Variants in LANCL1 observed in about 807,000 individuals in gnomAD.
The protein encoded by LANCL1 is glutathione S-transferase LANCL1.
LANCL1 carries 50 observed loss-of-function variants against 50.6 expected under a neutral mutation model. The observed-to-expected ratio is 0.99, with a 90% confidence interval of 0.79 to 1.25. LANCL1 has a LOEUF of 1.25. Among genes scored for constraint, LANCL1 ranks in the 50% most tolerant of loss-of-function variants. The probability of loss-of-function intolerance (pLI) is 0.00; values close to 1 mark genes in which losing one functional copy is unlikely to be tolerated. For synonymous variants in LANCL1, 188 were observed against 178.6 expected (o/e 1.05, Z -0.42); for missense variants, 532 against 480.7 (o/e 1.11, Z -1.00).
At position 210,432,551 on chromosome 2, in the gene LANCL1, T is replaced by C. The variant is rs1026802556; in HGVS notation, c.*1936A>G. The C allele has an allele frequency of 1.3e-5, 2 of 152,192 alleles. No homozygotes were observed. The highest frequency in any genetic ancestry group is 1.9e-4 in the East Asian group (1 of 5,196). The allele number at this position is 152,192 out of a possible 1,614,324, so 9.4% of individuals were successfully genotyped here. A position where few individuals can be genotyped will look rare whatever the true frequency, so the allele number is the denominator to read the frequency against. On this transcript the variant is annotated 3_prime_UTR_variant, in exon 10 of 10. Coordinates refer to ENST00000450366, the MANE Select transcript of LANCL1 (RefSeq NM_006055.3). ...CTTGAAATCTTCCTGGGGTTAAGCA[T>C]TGCTATCACGATGCTTGGAGAACTG...
Position 210,455,186 on chromosome 2 carries a change from C to T in LANCL1, c.328G>A (p.Asp110Asn). Residue 110 changes from aspartate (D) to asparagine (N), a missense_variant, in exon 4 of 10, where the codon GAT becomes AAT. Coordinates refer to ENST00000450366, the MANE Select transcript of LANCL1 (RefSeq NM_006055.3). ...GCGGCCACTGCCAGGGGGCCTGCAT[C>T]CCCACAAAGGAAGGTGATGGAGCGC... The part of the protein sequence containing the change: ...TKRSITFLCG[D>N]AGPLAVAAVL... 6.2e-7 allele frequency: 1 copy of T among 1,613,704 alleles called. No individual in the cohort carries two copies. Among genetic ancestry groups the T allele is most frequent in the Non-Finnish European group, 8.5e-7 (1 of 1,179,750 alleles).
chr2:210,455,181 T>G lies in LANCL1; in HGVS notation c.333A>C (p.Ala111=). The part of the protein sequence containing the change: ...KRSITFLCGD[A]GPLAVAAVLY... ...GCACAGCGGCCACTGCCAGGGGGCC[T>G]GCATCCCCACAAAGGAAGGTGATGG... Residue 111 remains alanine (A), a synonymous_variant, in exon 4 of 10, where the codon GCA becomes GCC. Coordinates refer to ENST00000450366, the MANE Select transcript of LANCL1 (RefSeq NM_006055.3). 1 of 1,613,756 alleles carries G rather than the reference T, an allele frequency of 6.2e-7. No individual in the cohort carries two copies. Among genetic ancestry groups the G allele is most frequent in the East Asian group, 2.2e-5 (1 of 44,870 alleles).
intron 4 of LANCL1, among the ~76,000 whole-genome samples, chr2:210,449,333 G>C (rs1238729273): frequency 1.1e-4 from 16 of 152,116 alleles, no homozygotes; most frequent in African/African-American, 3.9e-4. Flanking sequence ...GAATAAACTA[G>C]GTATTGATGG....
intron 6 of LANCL1, among the ~76,000 whole-genome samples, chr2:210,438,141 T>C (rs543731791): frequency 6.7e-6 from 1 of 149,810 alleles, no homozygotes; most frequent in Admixed American, 6.6e-5. Flanking sequence ...TTCTTTTTTT[T>C]TTTTTTTTTT....
intron 3 of LANCL1, among the ~76,000 whole-genome samples, chr2:210,456,291 G>A (rs1225523749): frequency 6.6e-6 from 1 of 152,064 alleles, no homozygotes; most frequent in Admixed American, 6.5e-5. Flanking sequence ...CAATCTTCAC[G>A]GATTTCAATG....
At chr2:210,464,494 T>C (rs972937698) in intron 3 of LANCL1, among the ~76,000 whole-genome samples, 4 of 152,094 alleles carry the variant, frequency 2.6e-5, no homozygotes, top group Non-Finnish European at 5.9e-5. Flanking sequence ...TGGAAACTTT[T>C]TTGGGCTTCT....
intron 3 of LANCL1, among the ~76,000 whole-genome samples, chr2:210,455,620 T>C (rs1693649872): frequency 6.6e-6 from 1 of 152,170 alleles, no homozygotes; most frequent in Non-Finnish European, 1.5e-5. Flanking sequence ...TGTACTCTGG[T>C]TATTGTGTTA....
At chr2:210,458,569 C>G (rs774172719) in intron 3 of LANCL1, among the ~76,000 whole-genome samples, 4 of 152,120 alleles carry the variant, frequency 2.6e-5, no homozygotes, top group Non-Finnish European at 1.5e-5. Context: ...CAATACAGAT[C>G]TTGTCAGAAT....
intron 3 of LANCL1, among the ~76,000 whole-genome samples, chr2:210,455,810 GTT>G (rs60277321): frequency 2.4e-5 from 3 of 125,932 alleles, no homozygotes; most frequent in East Asian, 2.4e-4. Context: ...GTGTGTGTGT[GTT>G]TTTTTTTTTT....
chr2:210,459,724 TTGA>T (rs1473036078), intron 3 of LANCL1, among the ~76,000 whole-genome samples: 1 of 146,996 alleles, frequency 6.8e-6, no homozygotes, highest in African/African-American at 2.5e-5. Flanking sequence ...TCTTGAAATG[TTGA>T]TAACTATTAA....
At chr2:210,459,224 C>T (rs1289255591) in intron 3 of LANCL1, among the ~76,000 whole-genome samples, 1 of 151,738 alleles carries the variant, frequency 6.6e-6, no homozygotes, top group African/African-American at 2.4e-5. Context: ...GTAAGTATGA[C>T]TATTATGTAT....
At chr2:210,477,503 A>G, upstream of LANCL1, 1 of 1,278,658 alleles carries the variant, frequency 7.8e-7, no homozygotes, top group Non-Finnish European at 9.9e-7. Flanking sequence ...GTTCAGTTAA[A>G]AAGTCAGCCT....
At position 210,476,704 on chromosome 2, in the gene LANCL1, T is replaced by C. The variant is rs900442156; in HGVS notation, c.-101A>G. 4 of 1,173,912 alleles carry C rather than the reference T, an allele frequency of 3.4e-6. No homozygotes were observed. The highest frequency in any genetic ancestry group is 9.7e-5 in the East Asian group (2 of 20,524). 72.7% of individuals were successfully genotyped at this position (1,173,912 alleles called of 1,614,324 possible). On this transcript the variant is annotated 5_prime_UTR_variant, in exon 1 of 10. Transcript: ENST00000450366. Reference sequence around the variant, plus strand: ...CGCCTCCCGCGTCCTGAAGCCCTTCTCGGCCCTGGCCTCTCACCCCGCAGC... The same window carrying C: ...CGCCTCCCGCGTCCTGAAGCCCTTCCCGGCCCTGGCCTCTCACCCCGCAGC...
At chr2:210,459,997 G>A (rs981804552) in intron 3 of LANCL1, among the ~76,000 whole-genome samples, 1 of 152,032 alleles carries the variant, frequency 6.6e-6, no homozygotes, top group African/African-American at 2.4e-5. Context: ...TTAATACTAA[G>A]CCTTTGAATT....
At chr2:210,441,590 C>A in intron 4 of LANCL1, 147 bp from the exon 5 acceptor site, 1 of 585,522 alleles carries the variant, frequency 1.7e-6, no homozygotes, top group Non-Finnish European at 2.9e-6. Flanking sequence ...AGTCACGGTT[C>A]ACAGATTAGC....
At chr2:210,435,057 C>G (rs1196600160) in intron 9 of LANCL1, among the ~76,000 whole-genome samples, 1 of 152,018 alleles carries the variant, frequency 6.6e-6, no homozygotes, top group Non-Finnish European at 1.5e-5. Context: ...TGCCATTTAC[C>G]AAACATAAGC....
At chr2:210,465,087 C>T (rs1574439065) in intron 3 of LANCL1, among the ~76,000 whole-genome samples, 2 of 152,288 alleles carry the variant, frequency 1.3e-5, no homozygotes. Flanking sequence ...AACTCCAGTG[C>T]ATACTGTAGT....
chr2:210,444,593 C>T (rs1693253149), intron 4 of LANCL1, among the ~76,000 whole-genome samples: 1 of 152,176 alleles, frequency 6.6e-6, no homozygotes, highest in Non-Finnish European at 1.5e-5. Flanking sequence ...CAAATTGAGG[C>T]AACTCAAATT....
intron 3 of LANCL1, chr2:210,471,600 C>T: frequency 2.1e-6 from 1 of 473,362 alleles, no homozygotes; most frequent in Non-Finnish European, 4.2e-6. Flanking sequence ...TCCTCATTAC[C>T]TCCGCTTCAG....
Sources: allele counts gnomAD v4.1 joint callset (sites outside exome capture counted in the v4.1 genomes callset), GRCh38; gene constraint gnomAD v4.1.1; transcripts MANE v1.5; gene names NCBI Gene and HGNC (gene_info 2026-07-23, HGNC 2026-07-21).